The following OR3A2 variants were observed in gnomAD, a reference collection of about 807,000 sequenced individuals.
OR3A2 encodes the protein olfactory receptor family 3 subfamily A member 2.
For synonymous variants in OR3A2, 126 were observed against 159.3 expected, an observed-to-expected ratio of 0.79 and a Z score of 1.57; for missense variants, 318 against 392.8, an observed-to-expected ratio of 0.81 and a Z score of 1.61.
chr17:3,350,515 G>A (rs1191275273), intron 2 of OR3A2, among the ~76,000 whole-genome samples: 6 of 151,834 alleles, frequency 4.0e-5, no homozygotes, highest in South Asian at 2.1e-4. Context: ...GACCAATAAC[G>A]GGAGCTGAAA....
At chr17:3,285,560 G>A (rs962863696), upstream of OR3A2, among the ~76,000 whole-genome samples, 15 of 152,142 alleles carry the variant, frequency 9.9e-5, no homozygotes, top group Non-Finnish European at 1.9e-4. Flanking sequence ...AGGCTGAGGC[G>A]GGGATCGCTT....
chr17:3,365,132 G>C (rs2049551825), intron 2 of OR3A2, among the ~76,000 whole-genome samples: 1 of 152,120 alleles, frequency 6.6e-6, no homozygotes, highest in Admixed American at 6.5e-5. Flanking sequence ...CCAGGCCATT[G>C]AATGAAAGTC....
At chr17:3,342,277 A>G (rs1162115993) in intron 2 of OR3A2, among the ~76,000 whole-genome samples, 2 of 152,206 alleles carry the variant, frequency 1.3e-5, no homozygotes, top group Non-Finnish European at 2.9e-5. Context: ...TCAACTCGTC[A>G]AAGTCATTCT....
chr17:3,371,407 T>G (rs1296834481), intron 2 of OR3A2, among the ~76,000 whole-genome samples: 1 of 144,950 alleles, frequency 6.9e-6, no homozygotes, highest in Non-Finnish European at 1.5e-5. Flanking sequence ...ACGGGGTGGC[T>G]GGCTGGGCAG....
intron 3 of OR3A2, among the ~76,000 whole-genome samples, chr17:3,332,828 C>G (rs776210307): frequency 3.3e-5 from 5 of 152,182 alleles, no homozygotes; most frequent in Non-Finnish European, 7.4e-5. Flanking sequence ...TTATGCCTGT[C>G]TTTAATCTCT....
intron 2 of OR3A2, among the ~76,000 whole-genome samples, chr17:3,339,014 A>T (rs1356489159): frequency 2.6e-5 from 4 of 151,858 alleles, no homozygotes; most frequent in Admixed American, 6.6e-5. Context: ...TAGGTATTTG[A>T]TCCTCTTTGT....
At chr17:3,358,155 A>C (rs1369096905) in intron 2 of OR3A2, among the ~76,000 whole-genome samples, 1 of 151,696 alleles carries the variant, frequency 6.6e-6, no homozygotes, top group Non-Finnish European at 1.5e-5. Context: ...ACCACTAAAA[A>C]AATTAAATTA....
chr17:3,346,971 G>A (rs907813142), intron 2 of OR3A2, among the ~76,000 whole-genome samples: 2 of 152,094 alleles, frequency 1.3e-5, no homozygotes, highest in African/African-American at 4.8e-5. Flanking sequence ...CCAAAGCTTG[G>A]CTATTGTGCA....
At chr17:3,353,914 T>TC (rs2049441772) in intron 2 of OR3A2, among the ~76,000 whole-genome samples, 1 of 48,924 alleles carries the variant, frequency 2.0e-5, no homozygotes, top group African/African-American at 7.7e-5. Context: ...TATTCATCCA[T>TC]TTTTTTTTGT....
chr17:3,312,095 G>A (rs1375115587), intron 3 of OR3A2, among the ~76,000 whole-genome samples: 2 of 152,146 alleles, frequency 1.3e-5, no homozygotes, highest in Non-Finnish European at 2.9e-5. Context: ...GCCTTGGATT[G>A]AGGAGAAAGG....
At position 3,364,903 on chromosome 17, in the gene OR3A2, AT is replaced by A. The variant is rs577437566; in HGVS notation, c.-179+18900del. 4.6e-3 allele frequency among the ~76,000 whole-genome samples: 610 copies of A among 131,248 alleles called. 1 individual carries two copies. Among genetic ancestry groups the A allele is most frequent in the Admixed American group, 5.8e-3 (66 of 11,422 alleles). 86.1% of individuals were successfully genotyped at this position (131,248 alleles called of 152,430 possible). On this transcript the variant is annotated intron_variant, in intron 2 of 4. Transcript: ENST00000573491. ...AAATACTTAGCAATAAGCAGAACAT[AT>A]AAGCACTAAGGTAAAAAAAAAAAAG...
At chr17:3,347,678 T>C (rs184442927) in intron 2 of OR3A2, among the ~76,000 whole-genome samples, 2 of 152,358 alleles carry the variant, frequency 1.3e-5, no homozygotes, top group African/African-American at 4.8e-5. Context: ...AAGTCCTTGC[T>C]ATTGTGAATA....
At chr17:3,303,413 A>G (rs2048979133) in intron 3 of OR3A2, among the ~76,000 whole-genome samples, 1 of 152,108 alleles carries the variant, frequency 6.6e-6, no homozygotes, top group Non-Finnish European at 1.5e-5. Context: ...TTCAGCATAT[A>G]TAGCTGTTCT....
chr17:3,355,339 C>A (rs1370318662), intron 2 of OR3A2, among the ~76,000 whole-genome samples: 3 of 151,186 alleles, frequency 2.0e-5, no homozygotes, highest in Non-Finnish European at 2.9e-5. Flanking sequence ...AGATTAAGTC[C>A]TATCATTTTT....
chr17:3,344,891 A>G (rs1360578410), intron 2 of OR3A2, among the ~76,000 whole-genome samples: 1 of 152,182 alleles, frequency 6.6e-6, no homozygotes, highest in Non-Finnish European at 1.5e-5. Flanking sequence ...CTGTAATGGG[A>G]AGAGCAGTAG....
In OR3A2 at chr17:3,322,003, C is replaced by G. The variant is rs572729134; in HGVS notation, c.-85+14030G>C. ...TGGTAGAATTCAGCTGTGAATCCAT[C>G]TGGTCCTGGACTTTTTTTGGTTGGT... On this transcript the variant is annotated intron_variant, in intron 3 of 4. Coordinates refer to the OR3A2 transcript ENST00000573491. 1.2e-4 allele frequency among the ~76,000 whole-genome samples: 19 copies of G among 152,228 alleles called. No homozygotes were observed. In the East Asian group the frequency reaches 3.3e-3, roughly 26 times the overall value.
rs1239613618 is a variant in OR3A2 at position 3,311,445 on chromosome 17, T to C, written c.-85+24588A>G. 4.3e-6 allele frequency: 2 copies of C among 464,074 alleles called. No homozygotes were observed. Among genetic ancestry groups the C allele is most frequent in the Non-Finnish European group, 8.9e-6 (2 of 224,922 alleles). 28.7% of individuals were successfully genotyped at this position (464,074 alleles called of 1,614,324 possible). A position where few individuals can be genotyped will look rare whatever the true frequency, so the allele number is the denominator to read the frequency against. On this transcript the variant is annotated intron_variant, in intron 3 of 4. Transcript: ENST00000573491. This position sits in a 1 kb window ranked among gnomAD's most constrained non-coding sequence, Gnocchi z 4.6. ...GTGCCCTGGTGGGAATTTGCTGCAC[T>C]GTCTCCTTCATCAATGCTCTGACTC...
chr17:3,319,719 G>C (rs1316750887), intron 3 of OR3A2, among the ~76,000 whole-genome samples: 3 of 152,116 alleles, frequency 2.0e-5, no homozygotes, highest in African/African-American at 4.8e-5. Context: ...CATTTTTTAT[G>C]GCTGCATAGT....
intron 2 of OR3A2, among the ~76,000 whole-genome samples, chr17:3,342,546 G>T (rs2049327972): frequency 6.6e-6 from 1 of 152,206 alleles, no homozygotes; most frequent in Admixed American, 6.5e-5. Context: ...GTTAGAGTTT[G>T]CCGGAAGTCC....
Sources: allele counts gnomAD v4.1 joint callset (sites outside exome capture counted in the v4.1 genomes callset), GRCh38; gene constraint gnomAD v4.1.1; non-coding constraint Gnocchi (gnomAD v3.1); transcripts MANE v1.5; gene names NCBI Gene and HGNC (gene_info 2026-07-23, HGNC 2026-07-21).